NCOA2: variants seen among roughly 807,000 people sequenced by gnomAD.
NCOA2 encodes class E basic helix-loop-helix protein 75.
NCOA2 carries 21 observed loss-of-function variants against 145.1 expected under a neutral mutation model. The observed-to-expected ratio is 0.14, with a 90% CI of 0.10 to 0.21. NCOA2 has a LOEUF of 0.21. Among genes scored for constraint, NCOA2 ranks in the 10% least tolerant of loss-of-function variants. The probability of loss-of-function intolerance (pLI) is 1.00; values close to 1 mark genes in which losing one functional copy is unlikely to be tolerated. For missense variants in NCOA2, 1,472 were observed against 1,837.6 expected, an observed-to-expected ratio of 0.80 and a Z score of 3.64; for synonymous variants, 619 against 637.5, an observed-to-expected ratio of 0.97 and a Z score of 0.44.
chr8:70,454,044 T>C, the NCOA2 span, among the ~76,000 whole-genome samples: 3 of 152,186 alleles, frequency 2.0e-5, no homozygotes, highest in South Asian at 4.1e-4. Context: ...CTACTGAGAA[T>C]TGAAATATGG....
intron 4 of NCOA2, among the ~76,000 whole-genome samples, chr8:70,184,721 G>A (rs907457610): frequency 4.6e-5 from 7 of 152,110 alleles, no homozygotes; most frequent in African/African-American, 1.7e-4. Context: ...ATGAAGGAAA[G>A]GAAGGGGGGC....
chr8:70,158,000 T>C (rs1812480465), intron 10 of NCOA2, among the ~76,000 whole-genome samples: 1 of 152,216 alleles, frequency 6.6e-6, no homozygotes, highest in Non-Finnish European at 1.5e-5. Flanking sequence ...TTTTGCAAGT[T>C]CTATGAGCTT....
In NCOA2 at chr8:70,141,199, G is replaced by C; in HGVS notation, c.3013C>G (p.Gln1005Glu). 6.2e-7 allele frequency: 1 copy of C among 1,613,782 alleles called. No individual in the cohort carries two copies. Among genetic ancestry groups the C allele is most frequent in the Non-Finnish European group, 8.5e-7 (1 of 1,179,802 alleles). The change falls in exon 14 of 23, where the codon CAG becomes GAG. Residue 1005 changes from glutamine (Q) to glutamate (E), a missense_variant. Gln to Glu is a conservative substitution (Grantham distance 29). Around this residue, in one of 4 missense-constraint regions of NCOA2, gnomAD observed 953 missense variants for 1,062.1 expected, o/e 0.90. Coordinates refer to ENST00000452400, the MANE Select transcript of NCOA2 (RefSeq NM_006540.4). ...GCCACCTTACCTATATTCATGACCT[G>C]AGACTGAAGCGTCTGTCTTTGGCCA... Reference protein sequence around the residue: ...QPGQRQTLQSQVMNIGPSELE... With the variant: ...QPGQRQTLQSEVMNIGPSELE...
intron 1 of NCOA2, among the ~76,000 whole-genome samples, chr8:70,306,905 A>G (rs549578500): frequency 6.6e-6 from 1 of 152,258 alleles, no homozygotes; most frequent in East Asian, 1.9e-4. Flanking sequence ...CAGATGAGGA[A>G]ACTAAGAGAA....
At chr8:70,255,653 C>A (rs1586270492) in intron 2 of NCOA2, among the ~76,000 whole-genome samples, 1 of 152,182 alleles carries the variant, frequency 6.6e-6, no homozygotes, top group Non-Finnish European at 1.5e-5. Flanking sequence ...TACCTCCTCT[C>A]CCCTCACACA....
At chr8:70,220,950 C>T (rs1473427720) in intron 2 of NCOA2, among the ~76,000 whole-genome samples, 3 of 152,180 alleles carry the variant, frequency 2.0e-5, no homozygotes, top group Admixed American at 1.3e-4. Flanking sequence ...TGACTGCTAG[C>T]TCCAATAAAT....
At chr8:70,245,308 C>T (rs1487439104) in intron 2 of NCOA2, 5 of 152,060 alleles carry the variant, frequency 3.3e-5, no homozygotes, top group Admixed American at 2.6e-4. Context: ...CAGACAGATC[C>T]CCCTTTGACA....
At chr8:70,165,648 C>T (rs1292964842) in intron 7 of NCOA2, among the ~76,000 whole-genome samples, 1 of 152,182 alleles carries the variant, frequency 6.6e-6, no homozygotes, top group Non-Finnish European at 1.5e-5. Context: ...TTATGGCAAA[C>T]AGCCTAATAA....
chr8:70,155,366 A>T (rs1255344848), intron 11 of NCOA2, among the ~76,000 whole-genome samples: 1 of 152,226 alleles, frequency 6.6e-6, no homozygotes, highest in Non-Finnish European at 1.5e-5. Flanking sequence ...CTGATCTTAA[A>T]AAGAGAGAAA....
chr8:70,310,854 C>T (rs1390645610), intron 1 of NCOA2, among the ~76,000 whole-genome samples: 1 of 152,192 alleles, frequency 6.6e-6, no homozygotes, highest in Non-Finnish European at 1.5e-5. Flanking sequence ...AAATTATTCA[C>T]ACCTTTCTAT....
At chr8:70,204,092 C>T (rs1216065422) in intron 4 of NCOA2, among the ~76,000 whole-genome samples, 1 of 152,066 alleles carries the variant, frequency 6.6e-6, no homozygotes, top group Non-Finnish European at 1.5e-5. Context: ...ACCGCAACCT[C>T]TGCTTCCCGG....
At chr8:70,259,208 T>C in intron 2 of NCOA2, among the ~76,000 whole-genome samples, 1 of 152,210 alleles carries the variant, frequency 6.6e-6, no homozygotes, top group East Asian at 1.9e-4. Flanking sequence ...AAGTGAGACC[T>C]TCCCCTCTCT....
At chr8:70,374,557 A>T (rs1191736201) in intron 1 of NCOA2, among the ~76,000 whole-genome samples, 10 of 152,060 alleles carry the variant, frequency 6.6e-5, no homozygotes, top group Non-Finnish European at 7.4e-5. Context: ...TATCCCAACA[A>T]CTTGGGAGGC....
intron 4 of NCOA2, among the ~76,000 whole-genome samples, chr8:70,179,545 C>A (rs922291736): frequency 1.3e-5 from 2 of 152,146 alleles, no homozygotes; most frequent in African/African-American, 2.4e-5. Flanking sequence ...TTTTTATGTA[C>A]CAGATATAAA....
chr8:70,357,003 G>A (rs757778811), intron 1 of NCOA2, among the ~76,000 whole-genome samples: 10 of 152,220 alleles, frequency 6.6e-5, no homozygotes, highest in Non-Finnish European at 5.9e-5. Flanking sequence ...AGTTCTTTGA[G>A]GGTAGCTTCT....
intron 2 of NCOA2, among the ~76,000 whole-genome samples, chr8:70,239,635 C>T (rs921911899): frequency 1.3e-5 from 2 of 152,148 alleles, no homozygotes; most frequent in African/African-American, 4.8e-5. Flanking sequence ...ATCCAATCTA[C>T]AGGTTGCCAG....
the NCOA2 span, among the ~76,000 whole-genome samples, chr8:70,426,660 C>G: frequency 1.3e-5 from 2 of 152,138 alleles, no homozygotes. Context: ...ATGTCTTATG[C>G]ATCTGTTTGT....
chr8:70,200,819 A>T (rs778093401), intron 4 of NCOA2, among the ~76,000 whole-genome samples: 3 of 152,104 alleles, frequency 2.0e-5, no homozygotes, highest in Non-Finnish European at 4.4e-5. Context: ...GCACTTTGGG[A>T]GGTCGAGGTG....
At chr8:70,389,113 T>A (rs1383460908) in intron 1 of NCOA2, among the ~76,000 whole-genome samples, 2 of 152,190 alleles carry the variant, frequency 1.3e-5, no homozygotes, top group East Asian at 1.9e-4. Context: ...GTCTTTATAC[T>A]ATTTTTGTTG....
Sources: gnomAD v4.1 joint callset for allele counts (sites outside exome capture counted in the v4.1 genomes callset) on GRCh38, gnomAD v4.1.1 for gene constraint, gnomAD v4.1.1 regional missense constraint, MANE v1.5 for transcripts, NCBI Gene and HGNC (gene_info 2026-07-23, HGNC 2026-07-21) for gene names.